The following ABCC4 variants were observed in gnomAD, a reference collection of about 807,000 sequenced individuals.
ABCC4 encodes ATP binding cassette subfamily C member 4 (PEL blood group).
ABCC4 carries 102 observed loss-of-function variants against 168.5 expected under a neutral mutation model. The observed-to-expected ratio is 0.61, with a 90% CI of 0.52 to 0.71. ABCC4 has a LOEUF of 0.71. ABCC4 is among the 30% of genes least tolerant of loss of function. ABCC4 has a pLI of 0.00. For synonymous variants in ABCC4, 617 were observed against 590.7 expected (o/e 1.04, Z -0.65); for missense variants, 1,402 against 1,605.8 (o/e 0.87, Z 2.17).
At chr13:95,225,414 A>G (rs561529837) in intron 4 of ABCC4, among the ~76,000 whole-genome samples, 1 of 152,360 alleles carries the variant, frequency 6.6e-6, no homozygotes, top group East Asian at 1.9e-4. Context: ...TCACTCCTGT[A>G]ATCCCAGCAC....
intron 20 of ABCC4, among the ~76,000 whole-genome samples, chr13:95,112,187 T>C (rs1001800987): frequency 1.3e-5 from 2 of 152,086 alleles, no homozygotes; most frequent in African/African-American, 4.8e-5. Flanking sequence ...ACCCTGTCTC[T>C]ACTAAAAATA....
intron 3 of ABCC4, among the ~76,000 whole-genome samples, chr13:95,244,331 C>T (rs1429906457): frequency 6.6e-6 from 1 of 151,832 alleles, no homozygotes; most frequent in Non-Finnish European, 1.5e-5. Flanking sequence ...CATGGTGATT[C>T]CTGCCTATAA....
intron 11 of ABCC4, among the ~76,000 whole-genome samples, chr13:95,183,439 C>T (rs976014581): frequency 2.0e-5 from 3 of 152,104 alleles, no homozygotes; most frequent in South Asian, 2.1e-4. Context: ...GAAAAGGAGT[C>T]GGCAAATGAT....
chr13:95,112,239 G>T (rs1299776149), intron 20 of ABCC4, among the ~76,000 whole-genome samples: 1 of 151,898 alleles, frequency 6.6e-6, no homozygotes, highest in Non-Finnish European at 1.5e-5. Flanking sequence ...TGTAATCACA[G>T]CTACTCAGGA....
At chr13:95,126,442 C>G (rs771672083) in intron 19 of ABCC4, among the ~76,000 whole-genome samples, 32 of 152,012 alleles carry the variant, frequency 2.1e-4, no homozygotes, top group Non-Finnish European at 3.5e-4. Flanking sequence ...AAAATCGGCT[C>G]TATCTCTAAT....
At chr13:95,195,648 A>G (rs991550817) in intron 8 of ABCC4, among the ~76,000 whole-genome samples, 1 of 151,964 alleles carries the variant, frequency 6.6e-6, no homozygotes, top group African/African-American at 2.4e-5. Context: ...TATTATTATT[A>G]TTTTGAGACA....
intron 1 of ABCC4, among the ~76,000 whole-genome samples, chr13:95,294,228 T>G (rs2041470675): frequency 6.6e-6 from 1 of 152,026 alleles, no homozygotes; most frequent in Non-Finnish European, 1.5e-5. Flanking sequence ...GGCGTGGTTT[T>G]GAGCTCCTGT....
intron 27 of ABCC4, among the ~76,000 whole-genome samples, chr13:95,048,796 T>C (rs1177270976): frequency 6.6e-6 from 1 of 152,224 alleles, no homozygotes; most frequent in Non-Finnish European, 1.5e-5. Context: ...GATCCCAGTA[T>C]TAAAGTCGTT....
intron 19 of ABCC4, among the ~76,000 whole-genome samples, chr13:95,143,586 G>C (rs1376355262): frequency 6.6e-6 from 1 of 151,938 alleles, no homozygotes; most frequent in Non-Finnish European, 1.5e-5. Context: ...GCTAAAAAAG[G>C]AAAAAATGTT....
In ABCC4 at chr13:95,288,269, T is replaced by C. The variant is rs1017804130; in HGVS notation, c.74+12972A>G. Among the ~76,000 whole-genome samples the C allele has an allele frequency of 9.9e-5, 15 of 152,260 alleles. 1 individual carries two copies. The highest frequency in any genetic ancestry group is 3.6e-4 in the African/African-American group (15 of 41,550). ...CAATAACTAGCTTCTCACTTGGTCC[T>C]ACCTAAGACACAGGTGTCAGCAACT... On this transcript the variant is annotated intron_variant, in intron 1 of 30. Transcript: ENST00000645237.
At chr13:95,113,794 T>C (rs1009138666) in intron 20 of ABCC4, among the ~76,000 whole-genome samples, 3 of 152,192 alleles carry the variant, frequency 2.0e-5, no homozygotes, top group Non-Finnish European at 4.4e-5. Context: ...ATGAACCAGT[T>C]ACTGCATTGT....
chr13:95,131,038 G>C (rs925471702), intron 19 of ABCC4, among the ~76,000 whole-genome samples: 13 of 152,136 alleles, frequency 8.5e-5, no homozygotes, highest in Admixed American at 7.9e-4. Flanking sequence ...GGGCAGAAAT[G>C]TGCTGAGATT....
At chr13:95,028,983 T>C (rs553143922) in intron 30 of ABCC4, among the ~76,000 whole-genome samples, 7 of 151,652 alleles carry the variant, frequency 4.6e-5, no homozygotes, top group African/African-American at 1.7e-4. Context: ...CTGGCCAACA[T>C]GGTAAAAACC....
intron 11 of ABCC4, among the ~76,000 whole-genome samples, chr13:95,184,000 C>T (rs10161985): frequency 0.23 from 35,641 of 152,192 alleles, 4,295 homozygotes; most frequent in East Asian, 0.32. Context: ...GGAGGCCCAC[C>T]GTCCTACCGA....
intron 14 of ABCC4, among the ~76,000 whole-genome samples, chr13:95,166,904 A>G (rs1338579762): frequency 6.6e-6 from 1 of 152,090 alleles, no homozygotes; most frequent in Non-Finnish European, 1.5e-5. Context: ...ATTGCCCCAC[A>G]GGCCAGGTGC....
intron 29 of ABCC4, among the ~76,000 whole-genome samples, chr13:95,040,525 C>T (rs571348721): frequency 5.9e-5 from 9 of 152,284 alleles, no homozygotes; most frequent in South Asian, 2.1e-4. Flanking sequence ...CATGAGCCAC[C>T]GCGCCCAGCC....
intron 8 of ABCC4, among the ~76,000 whole-genome samples, chr13:95,200,370 C>T (rs776006284): frequency 6.6e-6 from 1 of 152,138 alleles, no homozygotes; most frequent in Non-Finnish European, 1.5e-5. Flanking sequence ...TTTTATCACA[C>T]AACTAGGGCA....
At chr13:95,190,422 T>A (rs571694232) in intron 9 of ABCC4, among the ~76,000 whole-genome samples, 1 of 152,308 alleles carries the variant, frequency 6.6e-6, no homozygotes, top group African/African-American at 2.4e-5. Flanking sequence ...ATATTTTCAA[T>A]TGAGAGGATT....
intron 19 of ABCC4, among the ~76,000 whole-genome samples, chr13:95,120,469 A>G (rs544044096): frequency 2.2e-4 from 32 of 148,780 alleles, no homozygotes; most frequent in African/African-American, 6.9e-4. Context: ...TGGGAAGCTG[A>G]GGCAGAGAAT....
Sources: allele counts gnomAD v4.1 joint callset (sites outside exome capture counted in the v4.1 genomes callset), GRCh38; gene constraint gnomAD v4.1.1; transcripts MANE v1.5; gene names NCBI Gene and HGNC (gene_info 2026-07-23, HGNC 2026-07-21).